TRPC7: variants seen among roughly 807,000 people sequenced by gnomAD.
The protein encoded by TRPC7 is short transient receptor potential channel 7.
A neutral mutation model predicts 90.1 loss-of-function variants in TRPC7; 42 were observed. The ratio of observed to expected loss-of-function variants is 0.47; its 90% CI spans 0.36 to 0.60. TRPC7 has a LOEUF of 0.60. TRPC7 is among the 20% of genes least tolerant of loss of function. The probability of loss-of-function intolerance (pLI) is 0.00; values close to 1 mark genes in which losing one functional copy is unlikely to be tolerated. For synonymous variants in TRPC7, 451 were observed against 436.3 expected (o/e 1.03, Z -0.42); for missense variants, 955 against 1,112.3 (o/e 0.86, Z 2.01).
At chr5:136,309,533 G>T (rs934271362) in intron 3 of TRPC7, among the ~76,000 whole-genome samples, 1 of 152,122 alleles carries the variant, frequency 6.6e-6, no homozygotes, top group African/African-American at 2.4e-5. Flanking sequence ...AAATAGCGCC[G>T]GGATTATGCT....
chr5:136,217,995 G>T (rs1251999514), intron 10 of TRPC7, among the ~76,000 whole-genome samples: 1 of 141,742 alleles, frequency 7.1e-6, no homozygotes, highest in Non-Finnish European at 1.5e-5. Flanking sequence ...TCCAGCCTGG[G>T]CAACAGAGCA....
rs192011456 is a variant in TRPC7 at position 136,268,525 on chromosome 5, C to T, written c.1129-2089G>A. On this transcript the variant is annotated intron_variant, in intron 4 of 11. Transcript: ENST00000513104. ...GGATGAGGATATGGGGTATACCTCT[C>T]CAACTTCTCACCCAGGTGAGGCACC... Among the ~76,000 whole-genome samples the T allele has an allele frequency of 2.6e-5, 4 of 152,272 alleles. No individual in the cohort carries two copies. In the East Asian group the frequency reaches 5.8e-4, roughly 22 times the overall value.
chr5:136,233,582 G>A (rs1755883742), intron 7 of TRPC7, among the ~76,000 whole-genome samples: 1 of 152,226 alleles, frequency 6.6e-6, no homozygotes, highest in South Asian at 2.1e-4. Context: ...TTCCTGGCAG[G>A]ATCAGTGAAA....
At chr5:136,318,315 T>C (rs1759092137) in intron 2 of TRPC7, among the ~76,000 whole-genome samples, 1 of 152,142 alleles carries the variant, frequency 6.6e-6, no homozygotes, top group South Asian at 2.1e-4. Context: ...AACACTGAGG[T>C]CTGCCAGATC....
At chr5:136,305,809 GA>G (rs1439068722) in intron 3 of TRPC7, among the ~76,000 whole-genome samples, 7 of 152,104 alleles carry the variant, frequency 4.6e-5, no homozygotes, top group African/African-American at 1.7e-4. Flanking sequence ...CCATCTTCAA[GA>G]AATGTAGAAC....
intron 11 of TRPC7, 141 bp downstream of exon 11, chr5:136,216,059 G>A (rs1755256552): frequency 2.9e-6 from 2 of 688,078 alleles, no homozygotes; most frequent in East Asian, 2.7e-5. Flanking sequence ...GCCGACAACT[G>A]AATGAGCAAG....
At chr5:136,345,792 G>A (rs1448515918) in intron 2 of TRPC7, among the ~76,000 whole-genome samples, 1 of 152,082 alleles carries the variant, frequency 6.6e-6, no homozygotes, top group Non-Finnish European at 1.5e-5. Context: ...TGTCCTGAAT[G>A]GTATTGCCTA....
At chr5:136,273,068 C>A (rs544598852) in intron 4 of TRPC7, among the ~76,000 whole-genome samples, 2 of 152,350 alleles carry the variant, frequency 1.3e-5, no homozygotes, top group African/African-American at 4.8e-5. Flanking sequence ...TGGAAGCTGT[C>A]ACATTTAGCT....
At chr5:136,260,444 G>T (rs547615757) in intron 5 of TRPC7, among the ~76,000 whole-genome samples, 1 of 152,296 alleles carries the variant, frequency 6.6e-6, no homozygotes, top group South Asian at 2.1e-4. Context: ...CTGAGGAGGT[G>T]AGGGAGTGAG....
chr5:136,260,308 C>T (rs1051038850), intron 5 of TRPC7, among the ~76,000 whole-genome samples: 6 of 152,006 alleles, frequency 3.9e-5, no homozygotes, highest in Non-Finnish European at 7.4e-5. Flanking sequence ...TTGTCAGAGG[C>T]GTTAATGGTT....
rs1393415162 is a variant in TRPC7 at position 136,247,569 on chromosome 5, G to A, written c.1746C>T (p.Phe582=). 1 of 1,613,962 alleles carries A rather than the reference G, an allele frequency of 6.2e-7. No homozygotes were observed. Among genetic ancestry groups the A allele is most frequent in the Admixed American group, 1.7e-5 (1 of 60,018 alleles). The change falls in exon 7 of 12, where the codon TTC becomes TTT. Residue 582 remains phenylalanine (F), a synonymous_variant. Coordinates refer to ENST00000513104, the MANE Select transcript of TRPC7 (RefSeq NM_020389.3). This position sits in a 1 kb window ranked among gnomAD's most constrained non-coding sequence, Gnocchi z 4.2. ...CAAATACCATGATGAAAATGACCAT[G>A]AACTTGAAGATATCTTTCACAGTTC... is the stretch of plus-strand genomic sequence containing the variant. ...LGRTVKDIFK[F]MVIFIMVFVA...
intron 2 of TRPC7, among the ~76,000 whole-genome samples, chr5:136,322,667 C>A (rs1389528003): frequency 6.6e-6 from 1 of 152,144 alleles, no homozygotes; most frequent in Non-Finnish European, 1.5e-5. Flanking sequence ...CTATGCCCTG[C>A]ATGTCAATTT....
intron 10 of TRPC7, among the ~76,000 whole-genome samples, chr5:136,221,774 AG>A: frequency 6.6e-6 from 1 of 152,312 alleles, no homozygotes. Context: ...TCTTCGGTAA[AG>A]GCTATTTAGA....
At chr5:136,339,839 G>GCAACAACAACAACAA (rs10573372) in intron 2 of TRPC7, among the ~76,000 whole-genome samples, 51 of 138,218 alleles carry the variant, frequency 3.7e-4, no homozygotes, top group African/African-American at 1.2e-3. Flanking sequence ...TCTCTCTACT[G>GCAACAACAACAACAA]CAACAACAAC....
chr5:136,262,544 CAATG>C (rs1756893090), intron 5 of TRPC7, among the ~76,000 whole-genome samples: 1 of 152,094 alleles, frequency 6.6e-6, no homozygotes, highest in African/African-American at 2.4e-5. Flanking sequence ...TTACGTCTCT[CAATG>C]AAAGAAATTT....
At chr5:136,337,277 A>G (rs1759694933) in intron 2 of TRPC7, among the ~76,000 whole-genome samples, 3 of 152,354 alleles carry the variant, frequency 2.0e-5, no homozygotes, top group Non-Finnish European at 2.9e-5. Flanking sequence ...GATACTATTT[A>G]GAGGAATAAA....
intron 3 of TRPC7, among the ~76,000 whole-genome samples, chr5:136,310,332 AT>A (rs35266465): frequency 0.33 from 49,465 of 152,042 alleles, 9,598 homozygotes; most frequent in African/African-American, 0.55. Flanking sequence ...TCATAGGGGA[AT>A]TTTTTTTAAA....
chr5:136,303,377 C>T (rs1758474499), intron 3 of TRPC7, among the ~76,000 whole-genome samples: 1 of 152,160 alleles, frequency 6.6e-6, no homozygotes, highest in South Asian at 2.1e-4. Context: ...GGCCCTCAAA[C>T]CCCACAACAG....
At chr5:136,357,721 T>C (rs951920273) in intron 1 of TRPC7, among the ~76,000 whole-genome samples, 2 of 152,256 alleles carry the variant, frequency 1.3e-5, no homozygotes, top group Non-Finnish European at 2.9e-5. Flanking sequence ...CAGGAGGCTA[T>C]TGGTTTTATT....
Sources: gnomAD v4.1 joint callset for allele counts (sites outside exome capture counted in the v4.1 genomes callset) on GRCh38, gnomAD v4.1.1 for gene constraint, Gnocchi (gnomAD v3.1) non-coding constraint, MANE v1.5 for transcripts, NCBI Gene and HGNC (gene_info 2026-07-23, HGNC 2026-07-21) for gene names.